ARMC3: variants seen among roughly 807,000 people sequenced by gnomAD.
ARMC3 encodes the protein armadillo repeat-containing protein 3.
Under a neutral mutation model 90.3 loss-of-function variants are expected in ARMC3, and 74 were observed. The ratio of observed to expected loss-of-function variants is 0.82; its 90% CI spans 0.68 to 0.99. The LOEUF is 0.99. Ranked by LOEUF, ARMC3 falls within the 50% of genes least tolerant of loss-of-function variation. The probability of loss-of-function intolerance (pLI) is 0.00; values close to 1 mark genes in which losing one functional copy is unlikely to be tolerated. For synonymous variants in ARMC3, 334 were observed against 361.8 expected, an observed-to-expected ratio of 0.92 and a Z score of 0.87; for missense variants, 958 against 1,042.8, an observed-to-expected ratio of 0.92 and a Z score of 1.12.
rs1838152783 is a variant in ARMC3 at position 23,013,970 on chromosome 10, G to C, written c.2045+5039G>C. 4 of 983,678 alleles carry C rather than the reference G, an allele frequency of 4.1e-6. No individual in the cohort carries two copies. In the South Asian group the frequency reaches 7.4e-5, roughly 18 times the overall value. The allele number at this position is 983,678 out of a possible 1,614,324, so 60.9% of individuals were successfully genotyped here. The stretch of plus-strand genomic sequence containing the variant: ...AAAATTACTTTAATTATTGAATGCT[G>C]TTTGTTGAAAGGAACAGATGTTTGA... On this transcript the variant is annotated intron_variant, in intron 16 of 18. Transcript: ENST00000298032.
At position 23,037,450 on chromosome 10, in the gene ARMC3, C is replaced by G; in HGVS notation, c.2590C>G (p.Arg864Gly). The G allele has an allele frequency of 6.2e-7, 1 of 1,613,824 alleles. No individual in the cohort carries two copies. Among genetic ancestry groups the G allele is most frequent in the Non-Finnish European group, 8.5e-7 (1 of 1,179,866 alleles). ...AGGTGGACTGATGAAGTTGAGAAGT[C>G]GAGAGGCTGATCTTTACAGATTCAT... ...HPGGLMKLRS[R>G]EADLYRFI is the part of the protein sequence containing the mutation. Residue 864 changes from arginine to glycine, a missense_variant, in exon 19 of 19, where the codon CGA becomes GGA. By Grantham distance (125) the Arg-to-Gly change is moderately radical. Transcript: ENST00000298032.
chr10:22,959,710 C>A, intron 6 of ARMC3, 136 bp downstream of exon 6: 1 of 849,704 alleles, frequency 1.2e-6, no homozygotes, highest in Non-Finnish European at 1.8e-6. Flanking sequence ...ATTTATCATT[C>A]AGAGAAAAAA....
At chr10:23,019,189 A>C (rs1838407947) in intron 16 of ARMC3, among the ~76,000 whole-genome samples, 1 of 152,198 alleles carries the variant, frequency 6.6e-6, no homozygotes. Flanking sequence ...AGTTTGTGTC[A>C]AGCTGTTTAG....
intron 11 of ARMC3, 67 bp downstream of exon 11, chr10:22,998,464 A>C: frequency 1.3e-6 from 2 of 1,567,854 alleles, no homozygotes. Context: ...ATTCATTGGA[A>C]ACATTTTTAA....
intron 3 of ARMC3, among the ~76,000 whole-genome samples, chr10:22,954,129 A>G (rs1834835545): frequency 6.6e-6 from 1 of 152,222 alleles, no homozygotes; most frequent in African/African-American, 2.4e-5. Context: ...GATGGAGAGA[A>G]AAATGTACTT....
At position 22,961,900 on chromosome 10, in the gene ARMC3, C is replaced by T; in HGVS notation, c.554C>T (p.Ala185Val). The change falls in exon 7 of 19, where the codon GCT becomes GTT. Residue 185 changes from alanine to valine, a missense_variant. Ala to Val is a moderately conservative substitution (Grantham distance 64, BLOSUM62 0). Transcript: ENST00000298032. The part of the protein sequence containing the change: ...YNLVQDFQCR[A>V]KLQELNAIPP... ...TTGTGGCAGGATTTTCAGTGTCGAG[C>T]TAAACTTCAAGAACTAAATGCAATA... The T allele has an allele frequency of 6.2e-7, 1 of 1,604,262 alleles. No homozygotes were observed. The highest frequency in any genetic ancestry group is 8.5e-7 in the Non-Finnish European group (1 of 1,176,972).
intron 14 of ARMC3, among the ~76,000 whole-genome samples, chr10:23,007,986 C>T (rs1837707764): frequency 6.6e-6 from 1 of 152,078 alleles, no homozygotes; most frequent in African/African-American, 2.4e-5. Flanking sequence ...TGCCTGTAGT[C>T]CCAGCTACTT....
At chr10:23,005,430 T>C (rs1248750142) in intron 13 of ARMC3, among the ~76,000 whole-genome samples, 1 of 152,150 alleles carries the variant, frequency 6.6e-6, no homozygotes, top group Non-Finnish European at 1.5e-5. Flanking sequence ...GTAAATATTG[T>C]TATAAGTTTC....
At chr10:22,963,371 G>T (rs534934772) in intron 7 of ARMC3, among the ~76,000 whole-genome samples, 1 of 152,136 alleles carries the variant, frequency 6.6e-6, no homozygotes, top group Non-Finnish European at 1.5e-5. Context: ...GGAAATATGT[G>T]AGAAGGGTTT....
At chr10:22,953,182 G>A (rs1425511086) in intron 3 of ARMC3, among the ~76,000 whole-genome samples, 5 of 152,082 alleles carry the variant, frequency 3.3e-5, no homozygotes, top group Admixed American at 1.3e-4. Flanking sequence ...CTTTGAAGAC[G>A]AAAGGGGCTC....
At chr10:22,952,456 C>G (rs1298000948) in intron 3 of ARMC3, among the ~76,000 whole-genome samples, 1 of 152,004 alleles carries the variant, frequency 6.6e-6, no homozygotes, top group Admixed American at 6.5e-5. Context: ...AATTTTATTT[C>G]AAGACATAAA....
intron 2 of ARMC3, among the ~76,000 whole-genome samples, chr10:22,945,771 A>G (rs1834502149): frequency 6.6e-6 from 1 of 151,628 alleles, no homozygotes; most frequent in Non-Finnish European, 1.5e-5. Flanking sequence ...TACATACATG[A>G]CCTCTACTCC....
chr10:23,006,715 C>T, intron 13 of ARMC3, 169 bp from the exon 14 acceptor site: 2 of 585,284 alleles, frequency 3.4e-6, no homozygotes, highest in Middle Eastern at 4.7e-4. Flanking sequence ...AGAACATCCA[C>T]AAGCTTCAGG....
At chr10:22,973,753 CT>C (rs56405413) in intron 8 of ARMC3, among the ~76,000 whole-genome samples, 378 of 79,912 alleles carry the variant, frequency 4.7e-3, no homozygotes, top group Middle Eastern at 0.015. Context: ...CTTTGTCTTT[CT>C]TTTTTTTTTT....
intron 16 of ARMC3, 80 bp from the exon 17 acceptor site, chr10:23,030,516 C>T (rs1838880670): frequency 1.1e-5 from 17 of 1,519,652 alleles, no homozygotes; most frequent in Middle Eastern, 1.7e-4. Context: ...TTCTGTGATG[C>T]TCTTTTCAGA....
chr10:22,971,638 A>G (rs1835688678), intron 8 of ARMC3, among the ~76,000 whole-genome samples: 2 of 151,854 alleles, frequency 1.3e-5, no homozygotes, highest in African/African-American at 4.8e-5. Flanking sequence ...ACATGATTTC[A>G]CCATGTTAGC....
chr10:23,023,725 C>T (rs1332418881), intron 16 of ARMC3, among the ~76,000 whole-genome samples: 1 of 151,614 alleles, frequency 6.6e-6, no homozygotes, highest in Non-Finnish European at 1.5e-5. Context: ...TGGAAGGATA[C>T]AATAATAAAA....
At chr10:23,004,944 TG>T (rs1837505977) in intron 13 of ARMC3, among the ~76,000 whole-genome samples, 1 of 151,906 alleles carries the variant, frequency 6.6e-6, no homozygotes, top group Admixed American at 6.6e-5. Flanking sequence ...GGGCCGGGCG[TG>T]GTGGCTCACG....
chr10:22,978,516 G>C (rs557321321), intron 8 of ARMC3, among the ~76,000 whole-genome samples: 1 of 152,170 alleles, frequency 6.6e-6, no homozygotes, highest in South Asian at 2.1e-4. Flanking sequence ...GATGAGATTT[G>C]TTTGGGGACA....
Sources: allele counts gnomAD v4.1 joint callset (sites outside exome capture counted in the v4.1 genomes callset), GRCh38; gene constraint gnomAD v4.1.1; transcripts MANE v1.5; gene names NCBI Gene and HGNC (gene_info 2026-07-23, HGNC 2026-07-21).